The following SPATA6 variants were observed in gnomAD, a reference collection of about 807,000 sequenced individuals.
SPATA6 encodes spermatogenesis-associated protein 6.
A neutral mutation model predicts 65.3 loss-of-function variants in SPATA6; 56 were observed. The observed-to-expected ratio is 0.86, with a 90% CI of 0.69 to 1.07. The LOEUF (loss-of-function observed/expected upper bound fraction) is 1.07. Ranked by LOEUF, SPATA6 falls within the 50% of genes least tolerant of loss-of-function variation. The pLI, the probability that SPATA6 is intolerant of heterozygous loss-of-function variation, is 0.00. For synonymous variants in SPATA6, 199 were observed against 213.2 expected (o/e 0.93, Z 0.58); for missense variants, 590 against 594.8 (o/e 0.99, Z 0.08).
chr1:48,302,805 G>T lies in SPATA6; in HGVS notation c.1286+2982C>A, dbSNP rs760774297. ...AACTTTATCAAGGCCAGCCAACTGT[G>T]GCTATCTTCTCTCAGGATCTTTACT... On this transcript the variant is annotated intron_variant, in intron 12 of 12. Transcript: ENST00000371847. Among the ~76,000 whole-genome samples the T allele has an allele frequency of 4.6e-5, 7 of 152,108 alleles. No individual in the cohort carries two copies. In the South Asian group the frequency reaches 1.5e-3, roughly 32 times the overall value.
At chr1:48,322,497 A>C (rs769445747) in intron 11 of SPATA6, among the ~76,000 whole-genome samples, 1 of 152,224 alleles carries the variant, frequency 6.6e-6, no homozygotes, top group Non-Finnish European at 1.5e-5. Context: ...ACCATTCAGG[A>C]CATAGGCATG....
At position 48,453,035 on chromosome 1, in the gene SPATA6, T is replaced by C. The variant is rs868463437; in HGVS notation, c.148A>G (p.Thr50Ala). The C allele has an allele frequency of 6.2e-7, 1 of 1,613,770 alleles. No homozygotes were observed. The highest frequency in any genetic ancestry group is 1.3e-5 in the African/African-American group (1 of 74,902). Residue 50 changes from threonine to alanine, a missense_variant, in exon 2 of 13, where the codon ACT becomes GCT. Thr to Ala is a moderately conservative substitution (Grantham distance 58, BLOSUM62 0). Coordinates refer to ENST00000371847, the MANE Select transcript of SPATA6 (RefSeq NM_019073.4). ...QYKKTQCVPA[T>A]FPLVFNARMV... ...CTGGCATTGAAGACCAGGGGAAAAG[T>C]GGCTGGGACACATTGTGTCTTTTTG...
In SPATA6 at chr1:48,359,652, G is replaced by A. The variant is rs1222102792; in HGVS notation, c.1028C>T (p.Ser343Leu). ...ATGCTTTGGCATTGTTGAGGGTGCT[G>A]AATGGACTAGCAAGGTCCTCGCTGA... ...RHSARTLLVH[S>L]APSTMPKHSP... Residue 343 changes from serine (S) to leucine (L), a missense_variant, in exon 10 of 13, where the codon TCA becomes TTA. Transcript: ENST00000371847. 1.2e-6 allele frequency: 2 copies of A among 1,613,838 alleles called. No individual in the cohort carries two copies. Among genetic ancestry groups the A allele is most frequent in the Non-Finnish European group, 1.7e-6 (2 of 1,179,828 alleles).
chr1:48,423,617 G>A (rs866815984), intron 3 of SPATA6, among the ~76,000 whole-genome samples: 5 of 128,952 alleles, frequency 3.9e-5, no homozygotes, highest in South Asian at 4.8e-4. Flanking sequence ...GCACAATCTC[G>A]GCTCACTGCA....
Position 48,452,813 on chromosome 1 carries a change from A to T in SPATA6, c.189+181T>A, listed in dbSNP as rs12032348. Among the ~76,000 whole-genome samples the T allele has an allele frequency of 0.019, 2,931 of 152,332 alleles. 117 individuals carry two copies. The East Asian group carries it at 0.2, about 10-fold the overall frequency. ...TAAGCTAATCAAGGGAAAAAAGGCAACTGATTCAATGCATATTTAATGCAA... is the reference window on the plus strand; with the variant it reads ...TAAGCTAATCAAGGGAAAAAAGGCATCTGATTCAATGCATATTTAATGCAA... On this transcript the variant is annotated intron_variant, in intron 2 of 12. Coordinates refer to ENST00000371847, the MANE Select transcript of SPATA6 (RefSeq NM_019073.4).
intron 8 of SPATA6, among the ~76,000 whole-genome samples, chr1:48,392,810 AC>A (rs1391194179): frequency 6.6e-6 from 1 of 152,136 alleles, no homozygotes; most frequent in African/African-American, 2.4e-5. Flanking sequence ...GTGAAAATTC[AC>A]TATGTGTAAG....
the SPATA6 span, among the ~76,000 whole-genome samples, chr1:48,284,188 C>A: frequency 1.3e-5 from 2 of 152,078 alleles, no homozygotes; most frequent in Non-Finnish European, 2.9e-5. Flanking sequence ...GATCTTCAAT[C>A]CCTGATATCC....
rs575899687 is a variant in SPATA6 at position 48,409,348 on chromosome 1, G to C, written c.405+2116C>G. 4.6e-5 allele frequency among the ~76,000 whole-genome samples: 7 copies of C among 152,336 alleles called. No homozygotes were observed. The East Asian group carries it at 1.4e-3, about 29-fold the overall frequency. ...ACAAGAGGTACGTTCCCATGGTCTT[G>C]GGCAGCTCCGCCCCTGTGGCTTTGC... On this transcript the variant is annotated intron_variant, in intron 5 of 12. Transcript: ENST00000371847.
rs553972322 is a variant in SPATA6 at position 48,388,852 on chromosome 1, G to A, written c.869-3503C>T. Among the ~76,000 whole-genome samples, 12 of 152,146 alleles carry A rather than the reference G, an allele frequency of 7.9e-5. No individual in the cohort carries two copies. The South Asian group carries it at 2.5e-3, about 32-fold the overall frequency. ...GTCTCCAGAGTAGCTGGGATTAGAG[G>A]CATGTGCCACCACACCCACCTAATT... On this transcript the variant is annotated intron_variant, in intron 8 of 12. Transcript: ENST00000371847.
intron 9 of SPATA6, among the ~76,000 whole-genome samples, chr1:48,381,942 C>T (rs1333745851): frequency 8.4e-6 from 1 of 119,034 alleles, no homozygotes; most frequent in Non-Finnish European, 1.7e-5. Context: ...ATCTGTTTAA[C>T]AAAGCACATC....
At chr1:48,445,024 A>C (rs777402543) in intron 3 of SPATA6, among the ~76,000 whole-genome samples, 5 of 152,216 alleles carry the variant, frequency 3.3e-5, no homozygotes, top group Admixed American at 6.5e-5. Flanking sequence ...CAGACAGATA[A>C]GCATATATTA....
intron 3 of SPATA6, chr1:48,437,163 A>G (rs1195209663): frequency 1.0e-4 from 162 of 1,608,448 alleles, no homozygotes; most frequent in Non-Finnish European, 2.1e-5. Flanking sequence ...CTCCAGTGTT[A>G]CCTTGGACTG....
At chr1:48,287,188 C>G in the SPATA6 span, among the ~76,000 whole-genome samples, 1 of 152,050 alleles carries the variant, frequency 6.6e-6, no homozygotes, top group African/African-American at 2.4e-5. Flanking sequence ...TGTCAAAAGC[C>G]TGGGTTAAGA....
the SPATA6 span, among the ~76,000 whole-genome samples, chr1:48,280,724 ATGGATT>A: frequency 6.6e-6 from 1 of 152,204 alleles, no homozygotes; most frequent in Non-Finnish European, 1.5e-5. Context: ...CCAGGACCAG[ATGGATT>A]CACAGCCGAA....
At chr1:48,268,531 T>A in the SPATA6 span, among the ~76,000 whole-genome samples, 1 of 151,442 alleles carries the variant, frequency 6.6e-6, no homozygotes, top group African/African-American at 2.4e-5. Context: ...ATGGTTAATT[T>A]TATAAAACGT....
At chr1:48,405,260 C>T (rs1438272760) in intron 5 of SPATA6, among the ~76,000 whole-genome samples, 2 of 152,212 alleles carry the variant, frequency 1.3e-5, no homozygotes, top group Non-Finnish European at 2.9e-5. Context: ...AACGTATCTT[C>T]ATAGTGATAT....
intron 10 of SPATA6, among the ~76,000 whole-genome samples, chr1:48,358,558 C>A (rs1035759686): frequency 6.6e-6 from 1 of 152,028 alleles, no homozygotes; most frequent in Non-Finnish European, 1.5e-5. Context: ...ACCAACTGTA[C>A]GTCTAAACAG....
At chr1:48,340,737 G>A (rs975589275) in intron 11 of SPATA6, among the ~76,000 whole-genome samples, 6 of 151,774 alleles carry the variant, frequency 4.0e-5, no homozygotes, top group African/African-American at 7.3e-5. Flanking sequence ...CAAAAGAAAA[G>A]TTAAATAATA....
chr1:48,397,893 GTAA>G (rs945418112), intron 7 of SPATA6, among the ~76,000 whole-genome samples: 1 of 151,478 alleles, frequency 6.6e-6, no homozygotes, highest in African/African-American at 2.4e-5. Context: ...GACATAAAAA[GTAA>G]TAATAAAACA....
Sources: allele counts gnomAD v4.1 joint callset (sites outside exome capture counted in the v4.1 genomes callset), GRCh38; gene constraint gnomAD v4.1.1; transcripts MANE v1.5; gene names NCBI Gene and HGNC (gene_info 2026-07-23, HGNC 2026-07-21).